The following CACNA2D4 variants were observed in gnomAD, a reference collection of about 807,000 sequenced individuals.
CACNA2D4 encodes the protein calcium voltage-gated channel auxiliary subunit alpha2delta 4, also known as voltage-dependent calcium channel subunit alpha-2/delta-4.
A neutral mutation model predicts 163.8 loss-of-function variants in CACNA2D4; 157 were observed. The observed-to-expected ratio is 0.96, with a 90% CI of 0.84 to 1.09. CACNA2D4 has a LOEUF of 1.09. Among genes scored for constraint, CACNA2D4 ranks in the 50% least tolerant of loss-of-function variants. The pLI, the probability that CACNA2D4 is intolerant of heterozygous loss-of-function variation, is 0.00. For missense variants in CACNA2D4, 1,410 were observed against 1,479.9 expected, an observed-to-expected ratio of 0.95 and a Z score of 0.78; for synonymous variants, 598 against 586.9, an observed-to-expected ratio of 1.02 and a Z score of -0.27.
At chr12:1,836,544 A>AC (rs1303279149) in intron 26 of CACNA2D4, 2 of 151,448 alleles carry the variant, frequency 1.3e-5, no homozygotes, top group Admixed American at 6.6e-5. Flanking sequence ...GCTTACTGGG[A>AC]CCCCAGGCGG....
rs564490319 is a variant in CACNA2D4, at chr12:1,822,464, A to AGCCCCAGGGACACCACCCTGAGCCCG, written c.2552-10767_2552-10742dup. 4.6e-5 allele frequency among the ~76,000 whole-genome samples: 7 copies of AGCCCCAGGGACACCACCCTGAGCCCG among 151,562 alleles called. 1 individual carries two copies. The South Asian group carries it at 8.3e-4, about 18-fold the overall frequency. ...TGCCTGGGAATACCACCCTGAGCCC[A>AGCCCCAGGGACACCACCCTGAGCCCG]GCCCCAGGGACACCACCCTGAGCCC... On this transcript the variant is annotated intron_variant, in intron 26 of 37. Coordinates refer to ENST00000382722, the MANE Select transcript of CACNA2D4 (RefSeq NM_172364.5).
At chr12:1,818,648 T>C (rs1267067547) in intron 26 of CACNA2D4, among the ~76,000 whole-genome samples, 87 of 139,658 alleles carry the variant, frequency 6.2e-4, no homozygotes, top group South Asian at 1.9e-3. Context: ...GGCCGCAGGG[T>C]CCTCTGCCTA....
intron 29 of CACNA2D4, among the ~76,000 whole-genome samples, chr12:1,805,679 A>G (rs938024360): frequency 3.9e-5 from 6 of 152,306 alleles, no homozygotes; most frequent in Middle Eastern, 3.4e-3. Context: ...AGCCACCTGA[A>G]GAGCCTGCCT....
In CACNA2D4 at chr12:1,795,790, A is replaced by T; in HGVS notation, c.3114-10T>A. Reference sequence around the variant, plus strand: ...CTGCACCACAAATACCCTGCAGCAAAGAAAGGGAGTCGAGGATGGCTCCGT... The same window carrying T: ...CTGCACCACAAATACCCTGCAGCAATGAAAGGGAGTCGAGGATGGCTCCGT... On this transcript the variant is annotated splice_polypyrimidine_tract_variant and intron_variant, in intron 35 of 37. Coordinates refer to ENST00000382722, the MANE Select transcript of CACNA2D4 (RefSeq NM_172364.5). 1 of 1,570,460 alleles carries T rather than the reference A, an allele frequency of 6.4e-7. No individual in the cohort carries two copies. The highest frequency in any genetic ancestry group is 8.8e-7 in the Non-Finnish European group (1 of 1,140,240).
chr12:1,839,638 G>T (rs1864966836), intron 26 of CACNA2D4, among the ~76,000 whole-genome samples: 1 of 152,170 alleles, frequency 6.6e-6, no homozygotes, highest in South Asian at 2.1e-4. Context: ...GCCTTCACTG[G>T]GTCACCCCAA....
chr12:1,917,135 C>T lies in CACNA2D4; in HGVS notation c.227+1112G>A, dbSNP rs373778310. ...GTCCAGGCTGACAGGAGTTCAAATC[C>T]CAGCACCTTCACTTCCTGGCCTTGT... On this transcript the variant is annotated intron_variant, in intron 1 of 37. Transcript: ENST00000382722. This position sits in a 1 kb window ranked among gnomAD's most constrained non-coding sequence, Gnocchi z 4.3. Among the ~76,000 whole-genome samples the T allele has an allele frequency of 6.6e-6, 1 of 152,122 alleles. No individual in the cohort carries two copies. Among genetic ancestry groups the T allele is most frequent in the African/African-American group, 2.4e-5 (1 of 41,408 alleles).
chr12:1,818,244 C>A (rs538028769), intron 26 of CACNA2D4, among the ~76,000 whole-genome samples: 45 of 152,062 alleles, frequency 3.0e-4, no homozygotes, highest in African/African-American at 1.1e-3. Context: ...GCCCCTCTGC[C>A]CGGCCACCAC....
intron 26 of CACNA2D4, among the ~76,000 whole-genome samples, chr12:1,832,900 C>G (rs952693454): frequency 6.6e-6 from 1 of 152,184 alleles, no homozygotes; most frequent in Non-Finnish European, 1.5e-5. Context: ...GTGGGTCTTC[C>G]CAGCAGGGAA....
chr12:1,797,772 TG>T, intron 34 of CACNA2D4: 1 of 576,874 alleles, frequency 1.7e-6, no homozygotes, highest in Non-Finnish European at 3.1e-6. Flanking sequence ...TGAGCCTCGG[TG>T]GAGGGAAAGC....
At chr12:1,840,490 C>T (rs535566737) in intron 26 of CACNA2D4, among the ~76,000 whole-genome samples, 1 of 152,148 alleles carries the variant, frequency 6.6e-6, no homozygotes, top group East Asian at 1.9e-4. Context: ...GTCTCTGTTC[C>T]GTGTGGCCGT....
chr12:1,889,258 T>C (rs1866222161), intron 6 of CACNA2D4, among the ~76,000 whole-genome samples: 1 of 152,178 alleles, frequency 6.6e-6, no homozygotes, highest in South Asian at 2.1e-4. Context: ...GGGAATGATA[T>C]GGGAAAAACA....
At position 1,858,576 on chromosome 12, in the gene CACNA2D4, C is replaced by T. The variant is rs748136585; in HGVS notation, c.2008+1G>A. 6.2e-7 allele frequency: 1 copy of T among 1,613,666 alleles called. No individual in the cohort carries two copies. ...TCCCTCAGCCCCTGGTACCGACCCA[C>T]CTTCTTCCACAGACGTGTTCCCCAG... On this transcript the variant is annotated splice_donor_variant, in intron 20 of 37. Coordinates refer to ENST00000382722, the MANE Select transcript of CACNA2D4 (RefSeq NM_172364.5). LOFTEE classifies it high-confidence loss of function.
At chr12:1,846,292 T>C (rs1473230732) in intron 24 of CACNA2D4, among the ~76,000 whole-genome samples, 1 of 152,180 alleles carries the variant, frequency 6.6e-6, no homozygotes, top group Non-Finnish European at 1.5e-5. Context: ...AGTCTCTCCC[T>C]GACTGGTCCG....
At chr12:1,911,728 C>T (rs1207104938) in intron 3 of CACNA2D4, among the ~76,000 whole-genome samples, 1 of 152,184 alleles carries the variant, frequency 6.6e-6, no homozygotes, top group Non-Finnish European at 1.5e-5. Context: ...GGAGCCCCAG[C>T]CTCTGGGGGT....
At chr12:1,880,366 G>A (rs1398071852) in intron 13 of CACNA2D4, among the ~76,000 whole-genome samples, 1 of 152,262 alleles carries the variant, frequency 6.6e-6, no homozygotes, top group East Asian at 1.9e-4. Flanking sequence ...AGGCACTGCA[G>A]TGCAAAGGCA....
intron 2 of CACNA2D4, among the ~76,000 whole-genome samples, chr12:1,914,075 C>G (rs1041232255): frequency 1.3e-5 from 2 of 152,206 alleles, no homozygotes; most frequent in African/African-American, 4.8e-5. Context: ...CCTCTTACTT[C>G]CACCAGGGAC....
chr12:1,868,695 G>GTCA (rs1865707009), intron 18 of CACNA2D4, among the ~76,000 whole-genome samples: 1 of 152,056 alleles, frequency 6.6e-6, no homozygotes, highest in Non-Finnish European at 1.5e-5. Flanking sequence ...CTTGACTGTA[G>GTCA]TCATCCCTTC....
intron 19 of CACNA2D4, 93 bp from the exon 20 acceptor site, chr12:1,858,737 A>G: frequency 1.0e-6 from 1 of 956,302 alleles, no homozygotes. Flanking sequence ...CACTAGGTGT[A>G]TGGGCTTTTT....
At chr12:1,861,445 TC>T (rs1555183072) in intron 18 of CACNA2D4, among the ~76,000 whole-genome samples, 4 of 141,426 alleles carry the variant, frequency 2.8e-5, no homozygotes, top group African/African-American at 8.9e-5. Context: ...TTATTTTTAC[TC>T]TTTTTTTTTT....
Sources: gnomAD v4.1 joint callset for allele counts (sites outside exome capture counted in the v4.1 genomes callset) on GRCh38, gnomAD v4.1.1 for gene constraint, Gnocchi (gnomAD v3.1) non-coding constraint, MANE v1.5 for transcripts, NCBI Gene and HGNC (gene_info 2026-07-23, HGNC 2026-07-21) for gene names.